The following WWC1 variants were observed in gnomAD, a reference collection of about 807,000 sequenced individuals.
The protein encoded by WWC1 is protein KIBRA.
In WWC1, 55 loss-of-function variants were observed where a neutral mutation model predicts 138.4. The observed-to-expected ratio is 0.40, with a 90% CI of 0.32 to 0.50. The LOEUF is 0.50. Among genes scored for constraint, WWC1 ranks in the 20% least tolerant of loss-of-function variants. The pLI, the probability that WWC1 is intolerant of heterozygous loss-of-function variation, is 0.72. For synonymous variants in WWC1, 524 were observed against 564.9 expected, an observed-to-expected ratio of 0.93 and a Z score of 1.03; for missense variants, 1,226 against 1,420.4, an observed-to-expected ratio of 0.86 and a Z score of 2.20.
chr5:168,384,126 A>G (rs1777856855), intron 2 of WWC1, among the ~76,000 whole-genome samples: 1 of 151,842 alleles, frequency 6.6e-6, no homozygotes, highest in African/African-American at 2.4e-5. Context: ...TATCTTTATA[A>G]TAGTGCATTC....
intron 10 of WWC1, among the ~76,000 whole-genome samples, chr5:168,422,680 G>A (rs1259458990): frequency 6.6e-6 from 1 of 152,128 alleles, no homozygotes; most frequent in Non-Finnish European, 1.5e-5. Context: ...AGAGAATGTA[G>A]CCTCAGACCT....
chr5:168,460,491 A>G (rs1756711631), intron 19 of WWC1, among the ~76,000 whole-genome samples, 159 bp from the exon 20 acceptor site: 1 of 152,250 alleles, frequency 6.6e-6, no homozygotes, highest in Admixed American at 6.5e-5. Flanking sequence ...ACGAATGTTC[A>G]CTTATAAAGA....
intron 8 of WWC1, among the ~76,000 whole-genome samples, chr5:168,410,533 A>G (rs551522373): frequency 2.6e-5 from 4 of 152,344 alleles, no homozygotes; most frequent in South Asian, 2.1e-4. Flanking sequence ...TTTTTAGAGC[A>G]TCTGTTATAG....
At chr5:168,307,750 GC>G (rs1046459605) in intron 1 of WWC1, among the ~76,000 whole-genome samples, 8 of 151,862 alleles carry the variant, frequency 5.3e-5, no homozygotes, top group African/African-American at 1.9e-4. Context: ...GACTACAGGT[GC>G]CTGCCACCAC....
At chr5:168,424,925 C>T (rs1387896851) in intron 11 of WWC1, among the ~76,000 whole-genome samples, 2 of 152,200 alleles carry the variant, frequency 1.3e-5, no homozygotes, top group Non-Finnish European at 2.9e-5. Context: ...GAAGATGATG[C>T]TGACATTGAC....
chr5:168,382,204 G>C (rs2152816444), intron 2 of WWC1, among the ~76,000 whole-genome samples: 1 of 152,310 alleles, frequency 6.6e-6, no homozygotes, highest in East Asian at 1.9e-4. Flanking sequence ...AAATGAGCAT[G>C]CTATATCATT....
At chr5:168,350,394 G>T (rs1360791309) in intron 1 of WWC1, among the ~76,000 whole-genome samples, 1 of 152,170 alleles carries the variant, frequency 6.6e-6, no homozygotes, top group African/African-American at 2.4e-5. Flanking sequence ...CAGGAAATTT[G>T]CAATGCTGTC....
chr5:168,292,084 C>A lies in WWC1; in HGVS notation c.-69C>A, dbSNP rs886885014. On this transcript the variant is annotated 5_prime_UTR_variant, in exon 1 of 23. Coordinates refer to ENST00000265293, the MANE Select transcript of WWC1 (RefSeq NM_015238.3). This position sits in a 1 kb window ranked among gnomAD's most constrained non-coding sequence, Gnocchi z 4.4. ...GGCGGCCGCCCGGGCTAAGAGCGGC[C>A]GGCTGGAGCCGCTGAGCCCCCGCTG... 2 of 1,434,810 alleles carry A rather than the reference C, an allele frequency of 1.4e-6. No homozygotes were observed. 88.9% of individuals were successfully genotyped at this position (1,434,810 alleles called of 1,614,324 possible).
intron 20 of WWC1, 148 bp from the exon 21 acceptor site, chr5:168,464,581 T>A: frequency 7.3e-7 from 1 of 1,361,986 alleles, no homozygotes; most frequent in Non-Finnish European, 9.8e-7. Context: ...AGTGGGAGAA[T>A]TCAAAACAGG....
At position 168,424,029 on chromosome 5, in the gene WWC1, C is replaced by A; in HGVS notation, c.1771C>A (p.Leu591Met). ...TAACAGCGCCCAGGAAAGATACCGG[C>A]TGGAGGAACCAGGAACGGAGGGCAA... Reference protein sequence around the residue: ...LGNSAQERYRLEEPGTEGKQL... With the variant: ...LGNSAQERYRMEEPGTEGKQL... Residue 591 changes from leucine to methionine, a missense_variant, in exon 11 of 23, where the codon CTG (leucine) becomes ATG (methionine). Transcript: ENST00000265293. 6.2e-7 allele frequency: 1 copy of A among 1,611,230 alleles called. No individual in the cohort carries two copies. Among genetic ancestry groups the A allele is most frequent in the Non-Finnish European group, 8.5e-7 (1 of 1,178,600 alleles).
Position 168,302,653 on chromosome 5 carries a change from A to G in WWC1, c.119+10382A>G, listed in dbSNP as rs1770199345. Among the ~76,000 whole-genome samples the G allele has an allele frequency of 2.6e-5, 4 of 152,166 alleles. 1 individual carries two copies. In the South Asian group the frequency reaches 6.2e-4, roughly 24 times the overall value. On this transcript the variant is annotated intron_variant, in intron 1 of 22. Transcript: ENST00000265293. ...GAGTCTCCAACTCGTAGAATTTACTACAAATTAGTGAGAGGCACAGCTAGT... is the reference window on the plus strand; with the variant it reads ...GAGTCTCCAACTCGTAGAATTTACTGCAAATTAGTGAGAGGCACAGCTAGT...
intron 17 of WWC1, among the ~76,000 whole-genome samples, chr5:168,449,005 T>G (rs572738808): frequency 1.2e-4 from 19 of 152,326 alleles, no homozygotes; most frequent in African/African-American, 4.6e-4. Flanking sequence ...CTAATCAAAC[T>G]GCTGTAACTT....
At chr5:168,426,518 A>G (rs572706261) in intron 11 of WWC1, among the ~76,000 whole-genome samples, 25 of 152,344 alleles carry the variant, frequency 1.6e-4, no homozygotes, top group South Asian at 4.1e-4. Flanking sequence ...CCCTGCAGCA[A>G]GCAATGCCAG....
intron 1 of WWC1, among the ~76,000 whole-genome samples, chr5:168,302,537 G>A (rs1048322533): frequency 4.6e-5 from 7 of 152,134 alleles, no homozygotes; most frequent in East Asian, 1.9e-4. Flanking sequence ...ATTTGAAGCC[G>A]GGAGACCTTG....
At chr5:168,393,205 G>T (rs576975814) in intron 3 of WWC1, among the ~76,000 whole-genome samples, 1 of 152,130 alleles carries the variant, frequency 6.6e-6, no homozygotes, top group Non-Finnish European at 1.5e-5. Flanking sequence ...GAAAAGCATC[G>T]CTGAAATAAT....
intron 12 of WWC1, 56 bp from the exon 13 acceptor site, chr5:168,428,651 A>G: frequency 6.4e-7 from 1 of 1,564,162 alleles, no homozygotes; most frequent in Non-Finnish European, 8.8e-7. Context: ...TCAGCCTCCC[A>G]GAATAGTTTG....
intron 1 of WWC1, among the ~76,000 whole-genome samples, chr5:168,351,007 C>T (rs1055795486): frequency 2.0e-5 from 3 of 151,912 alleles, no homozygotes; most frequent in East Asian, 1.9e-4. Context: ...ATTAGCCGGG[C>T]GTGGTGGTGC....
chr5:168,404,986 C>T (rs930154606), intron 5 of WWC1, among the ~76,000 whole-genome samples: 1 of 151,894 alleles, frequency 6.6e-6, no homozygotes, highest in African/African-American at 2.4e-5. Context: ...CGTTTTAATC[C>T]CTTATGTTTG....
Position 168,471,528 on chromosome 5 carries a change from T to C in WWC1, c.*2511T>C, listed in dbSNP as rs551150021. On this transcript the variant is annotated 3_prime_UTR_variant, in exon 23 of 23. Coordinates refer to ENST00000265293, the MANE Select transcript of WWC1 (RefSeq NM_015238.3). ...CTCCTCTGAGCTTTGAGGAGGCTGC[T>C]CTCTTTGCTGACCCCATGATCTTTT... 4.6e-5 allele frequency: 7 copies of C among 152,488 alleles called. No homozygotes were observed. The East Asian group carries it at 1.2e-3, about 25-fold the overall frequency. The allele number at this position is 152,488 out of a possible 1,614,324, so 9.4% of individuals were successfully genotyped here.
Sources: gnomAD v4.1 joint callset for allele counts (sites outside exome capture counted in the v4.1 genomes callset) on GRCh38, gnomAD v4.1.1 for gene constraint, Gnocchi (gnomAD v3.1) non-coding constraint, MANE v1.5 for transcripts, NCBI Gene and HGNC (gene_info 2026-07-23, HGNC 2026-07-21) for gene names.